Variants in HECW2 observed in about 807,000 individuals in gnomAD.
HECW2 encodes the protein E3 ubiquitin-protein ligase HECW2.
HECW2 carries 61 observed loss-of-function variants against 175.2 expected under a neutral mutation model. That is an observed-to-expected ratio of 0.35 (90% CI 0.28 to 0.43). HECW2 has a LOEUF of 0.43. Among genes scored for constraint, HECW2 ranks in the 20% least tolerant of loss-of-function variants. The probability of loss-of-function intolerance (pLI) is 1.00; values close to 1 mark genes in which losing one functional copy is unlikely to be tolerated. For missense variants in HECW2, 1,524 were observed against 2,000.5 expected, an observed-to-expected ratio of 0.76 and a Z score of 4.54; for synonymous variants, 671 against 731.0, an observed-to-expected ratio of 0.92 and a Z score of 1.32.
At chr2:196,546,670 C>A (rs1451989690) in intron 1 of HECW2, among the ~76,000 whole-genome samples, 3 of 152,084 alleles carry the variant, frequency 2.0e-5, no homozygotes, top group Non-Finnish European at 2.9e-5. Flanking sequence ...ATGAGAAAGA[C>A]CATTGGCTTT....
At chr2:196,380,524 T>A (rs1035211232) in intron 2 of HECW2, among the ~76,000 whole-genome samples, 1 of 152,210 alleles carries the variant, frequency 6.6e-6, no homozygotes, top group Non-Finnish European at 1.5e-5. Context: ...GTAAGTGCAG[T>A]GTTAAACAAC....
intron 3 of HECW2, among the ~76,000 whole-genome samples, chr2:196,342,750 C>T (rs1692803990): frequency 6.6e-6 from 1 of 152,140 alleles, no homozygotes; most frequent in Admixed American, 6.5e-5. Flanking sequence ...TCTATTTCAT[C>T]AACACTTTGA....
At chr2:196,457,708 C>T (rs189974098) in intron 1 of HECW2, among the ~76,000 whole-genome samples, 1 of 152,208 alleles carries the variant, frequency 6.6e-6, no homozygotes, top group African/African-American at 2.4e-5. Context: ...TCCAAGATAC[C>T]TCTTAGCTCT....
At chr2:196,202,980 T>C (rs1355011892) in intron 28 of HECW2, among the ~76,000 whole-genome samples, 2 of 152,194 alleles carry the variant, frequency 1.3e-5, no homozygotes, top group African/African-American at 4.8e-5. Context: ...ATTTACATAA[T>C]TTGGTTCATG....
intron 28 of HECW2, among the ~76,000 whole-genome samples, chr2:196,214,010 T>C (rs967761151): frequency 6.6e-6 from 1 of 152,274 alleles, no homozygotes; most frequent in East Asian, 1.9e-4. Context: ...AATATGCAAA[T>C]ATCCTGCCTG....
intron 22 of HECW2, among the ~76,000 whole-genome samples, chr2:196,227,446 C>T (rs1462647758): frequency 6.6e-6 from 1 of 152,148 alleles, no homozygotes; most frequent in African/African-American, 2.4e-5. Context: ...AATCAGTTTC[C>T]TTGATTTTGT....
chr2:196,371,881 T>C (rs977355533), intron 2 of HECW2, among the ~76,000 whole-genome samples: 1 of 152,224 alleles, frequency 6.6e-6, no homozygotes, highest in African/African-American at 2.4e-5. Flanking sequence ...CGATCTCTGT[T>C]TTCTGTGAAT....
At chr2:196,494,215 A>C (rs1215229271) in intron 1 of HECW2, among the ~76,000 whole-genome samples, 1 of 152,178 alleles carries the variant, frequency 6.6e-6, no homozygotes, top group Non-Finnish European at 1.5e-5. Flanking sequence ...AGCTGGACAG[A>C]GAGTTGGAAT....
At chr2:196,548,774 T>G (rs1559170655) in intron 1 of HECW2, among the ~76,000 whole-genome samples, 1 of 152,194 alleles carries the variant, frequency 6.6e-6, no homozygotes, top group Non-Finnish European at 1.5e-5. Context: ...GGTTGGTTCC[T>G]TCTTGGGGCT....
At chr2:196,583,947 C>T (rs989610418) in intron 1 of HECW2, among the ~76,000 whole-genome samples, 3 of 152,144 alleles carry the variant, frequency 2.0e-5, no homozygotes, top group Admixed American at 6.5e-5. Context: ...TTGCTACAAA[C>T]GAGTGATTCC....
chr2:196,421,939 T>C (rs1451152449), intron 2 of HECW2, among the ~76,000 whole-genome samples: 1 of 152,134 alleles, frequency 6.6e-6, no homozygotes, highest in Admixed American at 6.6e-5. Flanking sequence ...ATTTTGAACA[T>C]GTGGACTCCT....
At chr2:196,352,938 C>T (rs761004355) in intron 2 of HECW2, among the ~76,000 whole-genome samples, 1 of 152,192 alleles carries the variant, frequency 6.6e-6, no homozygotes, top group Non-Finnish European at 1.5e-5. Flanking sequence ...TTCAAACACA[C>T]GTCACACTGG....
At chr2:196,565,244 G>A (rs1690142934) in intron 1 of HECW2, among the ~76,000 whole-genome samples, 1 of 152,040 alleles carries the variant, frequency 6.6e-6, no homozygotes, top group Non-Finnish European at 1.5e-5. Context: ...ATTACCAAAA[G>A]CTGCAGGTTA....
At chr2:196,409,797 C>T (rs1355805093) in intron 2 of HECW2, among the ~76,000 whole-genome samples, 1 of 152,092 alleles carries the variant, frequency 6.6e-6, no homozygotes, top group Admixed American at 6.6e-5. Context: ...GCCATGCTAC[C>T]AGAAGATTTT....
chr2:196,470,730 G>A (rs1697162399), intron 1 of HECW2, among the ~76,000 whole-genome samples: 1 of 152,138 alleles, frequency 6.6e-6, no homozygotes, highest in African/African-American at 2.4e-5. Flanking sequence ...AAAATAGAGT[G>A]TGGAGAAATA....
At chr2:196,384,180 C>T (rs527272590) in intron 2 of HECW2, among the ~76,000 whole-genome samples, 1 of 152,294 alleles carries the variant, frequency 6.6e-6, no homozygotes, top group African/African-American at 2.4e-5. Flanking sequence ...TACTCATTCA[C>T]TTGGCAATAA....
intron 10 of HECW2, among the ~76,000 whole-genome samples, chr2:196,308,380 T>A (rs1169446780): frequency 6.6e-6 from 1 of 152,152 alleles, no homozygotes; most frequent in Admixed American, 6.5e-5. Context: ...CCCAGCATTT[T>A]AAAAATATAT....
intron 1 of HECW2, among the ~76,000 whole-genome samples, chr2:196,516,605 T>A (rs1432730987): frequency 2.0e-5 from 3 of 152,234 alleles, no homozygotes; most frequent in African/African-American, 4.8e-5. Context: ...CCACAAGGTA[T>A]CGGGAATTAA....
intron 2 of HECW2, among the ~76,000 whole-genome samples, chr2:196,408,330 C>A (rs994612881): frequency 6.6e-6 from 1 of 152,192 alleles, no homozygotes; most frequent in Non-Finnish European, 1.5e-5. Context: ...AGACTCCAAA[C>A]AACTGCGTGA....
Sources: gnomAD v4.1 joint callset for allele counts (sites outside exome capture counted in the v4.1 genomes callset) on GRCh38, gnomAD v4.1.1 for gene constraint, MANE v1.5 for transcripts, NCBI Gene and HGNC (gene_info 2026-07-23, HGNC 2026-07-21) for gene names.